TNFRSF12A: variants seen among roughly 807,000 people sequenced by gnomAD.
TNFRSF12A encodes the protein tumor necrosis factor receptor superfamily member 12A.
Under a neutral mutation model 15.5 loss-of-function variants are expected in TNFRSF12A, and 13 were observed. The observed-to-expected ratio is 0.84, with a 90% CI of 0.54 to 1.33. TNFRSF12A has a LOEUF of 1.33. TNFRSF12A is among the 40% of genes most tolerant of loss of function. TNFRSF12A has a pLI of 0.00. For synonymous variants in TNFRSF12A, 89 were observed against 78.4 expected (o/e 1.14, Z -0.71); for missense variants, 174 against 173.6 (o/e 1.00, Z -0.01).
rs2072615887 is a variant in TNFRSF12A at position 3,021,895 on chromosome 16, G to A, written c.*69G>A. ...TTCATCCATTCTAGAGCCAGTCTCT[G>A]CCTCCCAGACGCGGCGGGAGCCAAG... On this transcript the variant is annotated 3_prime_UTR_variant, in exon 4 of 4. Transcript: ENST00000326577. The A allele has an allele frequency of 6.4e-7, 1 of 1,559,482 alleles. No individual in the cohort carries two copies. The highest frequency in any genetic ancestry group is 8.7e-7 in the Non-Finnish European group (1 of 1,150,194).
At chr16:3,021,046 G>A (rs2151126920) in intron 1 of TNFRSF12A, 169 bp from the exon 2 acceptor site, 1 of 460,870 alleles carries the variant, frequency 2.2e-6, no homozygotes, top group South Asian at 4.0e-5. Context: ...CCCGCGCTAC[G>A]CCCTCCCTCC....
chr16:3,022,246 T>G lies in TNFRSF12A; in HGVS notation c.*420T>G. On this transcript the variant is annotated 3_prime_UTR_variant, in exon 4 of 4. Coordinates refer to ENST00000326577, the MANE Select transcript of TNFRSF12A (RefSeq NM_016639.3). ...GGGGTTAGGGACCTATTTTTAACAC[T>G]AGGGGGCTGGCCCACTAGGAGGGCT... The G allele has an allele frequency of 5.1e-5, 16 of 310,706 alleles. No homozygotes were observed. The highest frequency in any genetic ancestry group is 2.1e-4 in the East Asian group (4 of 19,380). 19.2% of individuals were successfully genotyped at this position (310,706 alleles called of 1,614,324 possible).
At chr16:3,021,031 AGCGTCCCGC>A (rs2072605749) in intron 1 of TNFRSF12A, 175 bp from the exon 2 acceptor site, 3 of 467,106 alleles carry the variant, frequency 6.4e-6, no homozygotes, top group Non-Finnish European at 1.1e-5. Flanking sequence ...CCCCACCCCC[AGCGTCCCGC>A]GCTACGCCCT....
chr16:3,021,064 G>C, intron 1 of TNFRSF12A, 151 bp from the exon 2 acceptor site: 1 of 498,872 alleles, frequency 2.0e-6, no homozygotes. Flanking sequence ...TCCCGGAGCT[G>C]CCGTGTCCCG....
rs372932532 is a variant in TNFRSF12A at position 3,021,625 on chromosome 16, C to T, written c.270C>T (p.Phe90=). 16 of 1,613,550 alleles carry T rather than the reference C, an allele frequency of 9.9e-6. No homozygotes were observed. The African/African-American group carries it at 1.9e-4, about 19-fold the overall frequency. The part of the protein sequence containing the change: ...PILGGALSLT[F]VLGLLSGFLV... ...TTGGGGGCGCTCTGAGCCTGACCTT[C>T]GTGCTGGGGCTGCTTTCTGGCTTTT... Residue 90 remains phenylalanine, a synonymous_variant, in exon 3 of 4, where the codon TTC becomes TTT. Coordinates refer to ENST00000326577, the MANE Select transcript of TNFRSF12A (RefSeq NM_016639.3).
At position 3,021,854 on chromosome 16, in the gene TNFRSF12A, GC is replaced by G; in HGVS notation, c.*31del. On this transcript the variant is annotated 3_prime_UTR_variant, in exon 4 of 4. Transcript: ENST00000326577. ...ATGTGCCCCCTGCCAGCCGGGGCTC[GC>G]CCACTCATCATTCATTCATCCATTC... 6.2e-7 allele frequency: 1 copy of G among 1,606,836 alleles called. No individual in the cohort carries two copies. Among genetic ancestry groups the G allele is most frequent in the Admixed American group, 1.7e-5 (1 of 59,548 alleles).
rs528463118 is a variant in TNFRSF12A, at chr16:3,021,330, G to A, written c.199+11G>A. On this transcript the variant is annotated intron_variant, in intron 2 of 3. Transcript: ENST00000326577. ...ACTTCTGCCTGGGCTGTGAGTGGGG[G>A]GCAGGGCCAGTGGCCAGCGGACCCC... 684 of 1,559,966 alleles carry A rather than the reference G, an allele frequency of 4.4e-4. 7 individuals are homozygous for A. The South Asian group carries it at 7.6e-3, about 17-fold the overall frequency.
rs569870196 is a variant in TNFRSF12A, at chr16:3,021,938, G to C, written c.*112G>C. On this transcript the variant is annotated 3_prime_UTR_variant, in exon 4 of 4. Coordinates refer to ENST00000326577, the MANE Select transcript of TNFRSF12A (RefSeq NM_016639.3). ...GAGCCAAGCTCCTCCAACCACAAGG[G>C]GGGTGGGGGGCGGTGAATCACCTCT... 5.1e-4 allele frequency: 628 copies of C among 1,228,260 alleles called. 6 individuals carry two copies. The highest frequency in any genetic ancestry group is 1.3e-3 in the African/African-American group (88 of 66,652). 76.1% of individuals were successfully genotyped at this position (1,228,260 alleles called of 1,614,324 possible). A position where few individuals can be genotyped will look rare whatever the true frequency, so the allele number is the denominator to read the frequency against.
At chr16:3,021,445 G>T in intron 2 of TNFRSF12A, 110 bp from the exon 3 acceptor site, 2 of 1,429,908 alleles carry the variant, frequency 1.4e-6, no homozygotes, top group Non-Finnish European at 1.8e-6. Context: ...AGCTGGGAGG[G>T]GGCTCCGGTC....
intron 1 of TNFRSF12A, chr16:3,020,696 C>G (rs1042999102): frequency 2.3e-5 from 8 of 350,334 alleles, no homozygotes; most frequent in Non-Finnish European, 3.8e-5. Flanking sequence ...CTCCCACCGT[C>G]CAATTGGGGT....
Position 3,022,263 on chromosome 16 carries a change from A to G in TNFRSF12A, c.*437A>G, listed in dbSNP as rs1302362109. 2 of 315,586 alleles carry G rather than the reference A, an allele frequency of 6.3e-6. No individual in the cohort carries two copies. The highest frequency in any genetic ancestry group is 1.2e-5 in the Non-Finnish European group (2 of 173,102). 19.5% of individuals were successfully genotyped at this position (315,586 alleles called of 1,614,324 possible). A position where few individuals can be genotyped will look rare whatever the true frequency, so the allele number is the denominator to read the frequency against. On this transcript the variant is annotated 3_prime_UTR_variant, in exon 4 of 4. Coordinates refer to ENST00000326577, the MANE Select transcript of TNFRSF12A (RefSeq NM_016639.3). The stretch of plus-strand genomic sequence containing the variant: ...TTTAACACTAGGGGGCTGGCCCACT[A>G]GGAGGGCTGGCCCTAAGATACAGAC...
In TNFRSF12A at chr16:3,021,865, A is replaced by G; in HGVS notation, c.*39A>G. ...GCCAGCCGGGGCTCGCCCACTCATC[A>G]TTCATTCATCCATTCTAGAGCCAGT... On this transcript the variant is annotated 3_prime_UTR_variant, in exon 4 of 4. Coordinates refer to ENST00000326577, the MANE Select transcript of TNFRSF12A (RefSeq NM_016639.3). The G allele has an allele frequency of 6.2e-7, 1 of 1,603,496 alleles. No individual in the cohort carries two copies. The highest frequency in any genetic ancestry group is 8.5e-7 in the Non-Finnish European group (1 of 1,176,172).
intron 1 of TNFRSF12A, 40 bp downstream of exon 1, chr16:3,020,531 C>A: frequency 8.0e-7 from 1 of 1,255,624 alleles, no homozygotes; most frequent in Non-Finnish European, 1.0e-6. Flanking sequence ...CGGGCCGGGG[C>A]TCGGGAGCCG....
chr16:3,022,249 GGGGCTGGCCCACTAGGA>G lies in TNFRSF12A; in HGVS notation c.*434_*450del, dbSNP rs1275436417. The G allele has an allele frequency of 2.7e-5, 9 of 338,276 alleles. No homozygotes were observed. Among genetic ancestry groups the G allele is most frequent in the African/African-American group, 8.4e-5 (4 of 47,410 alleles). The allele number at this position is 338,276 out of a possible 1,614,324, so 21.0% of individuals were successfully genotyped here. A position where few individuals can be genotyped will look rare whatever the true frequency, so the allele number is the denominator to read the frequency against. ...GTTAGGGACCTATTTTTAACACTAGGGGGCTGGCCCACTAGGAGGGCTGGCCCTAAGATACAGACCCC... is the reference window on the plus strand; with the variant it reads ...GTTAGGGACCTATTTTTAACACTAGGGGGCTGGCCCTAAGATACAGACCCC... On this transcript the variant is annotated 3_prime_UTR_variant, in exon 4 of 4. Coordinates refer to ENST00000326577, the MANE Select transcript of TNFRSF12A (RefSeq NM_016639.3).
At position 3,022,034 on chromosome 16, in the gene TNFRSF12A, A is replaced by C. The variant is rs982728031; in HGVS notation, c.*208A>C. The C allele has an allele frequency of 1.8e-6, 1 of 568,672 alleles. No homozygotes were observed. The highest frequency in any genetic ancestry group is 1.9e-5 in the African/African-American group (1 of 52,448). The allele number at this position is 568,672 out of a possible 1,614,324, so 35.2% of individuals were successfully genotyped here. ...TGCCCTGCCTCTGGCTCCAGAACAG[A>C]AAGGGAGCCTCACGCTGGCTCACAC... On this transcript the variant is annotated 3_prime_UTR_variant, in exon 4 of 4. Coordinates refer to ENST00000326577, the MANE Select transcript of TNFRSF12A (RefSeq NM_016639.3).
At position 3,022,107 on chromosome 16, in the gene TNFRSF12A, G is replaced by A. The variant is rs539590413; in HGVS notation, c.*281G>A. 2.7e-4 allele frequency: 125 copies of A among 460,862 alleles called. No homozygotes were observed. Among genetic ancestry groups the A allele is most frequent in the South Asian group, 4.5e-4 (10 of 22,334 alleles). The allele number at this position is 460,862 out of a possible 1,614,324, so 28.5% of individuals were successfully genotyped here. A position where few individuals can be genotyped will look rare whatever the true frequency, so the allele number is the denominator to read the frequency against. ...GAACTGCAGCATTTGCACAGGGGAGGGGGGTGCCCTCCTTCCTAGAGGCCC... is the reference window on the plus strand; with the variant it reads ...GAACTGCAGCATTTGCACAGGGGAGAGGGGTGCCCTCCTTCCTAGAGGCCC... On this transcript the variant is annotated 3_prime_UTR_variant, in exon 4 of 4. Coordinates refer to ENST00000326577, the MANE Select transcript of TNFRSF12A (RefSeq NM_016639.3).
In TNFRSF12A at chr16:3,021,918, A is replaced by C. The variant is rs762284403; in HGVS notation, c.*92A>C. ...CTGCCTCCCAGACGCGGCGGGAGCC[A>C]AGCTCCTCCAACCACAAGGGGGGTG... is the stretch of plus-strand genomic sequence containing the variant. On this transcript the variant is annotated 3_prime_UTR_variant, in exon 4 of 4. Coordinates refer to ENST00000326577, the MANE Select transcript of TNFRSF12A (RefSeq NM_016639.3). 1.6e-5 allele frequency: 23 copies of C among 1,443,042 alleles called. No individual in the cohort carries two copies. The highest frequency in any genetic ancestry group is 2.0e-5 in the Non-Finnish European group (21 of 1,060,260). The allele number at this position is 1,443,042 out of a possible 1,614,324, so 89.4% of individuals were successfully genotyped here. A position where few individuals can be genotyped will look rare whatever the true frequency, so the allele number is the denominator to read the frequency against.
intron 1 of TNFRSF12A, 171 bp from the exon 2 acceptor site, chr16:3,021,044 A>T: frequency 2.2e-6 from 1 of 461,322 alleles, no homozygotes; most frequent in Non-Finnish European, 3.8e-6. Flanking sequence ...GTCCCGCGCT[A>T]CGCCCTCCCT....
chr16:3,022,047 C>G lies in TNFRSF12A; in HGVS notation c.*221C>G, dbSNP rs966232716. ...GCTCCAGAACAGAAAGGGAGCCTCA[C>G]GCTGGCTCACACAAAACAGCTGACA... On this transcript the variant is annotated 3_prime_UTR_variant, in exon 4 of 4. Transcript: ENST00000326577. 3 of 557,274 alleles carry G rather than the reference C, an allele frequency of 5.4e-6. 1 individual carries two copies. The highest frequency in any genetic ancestry group is 4.7e-5 in the South Asian group (2 of 42,376). The allele number at this position is 557,274 out of a possible 1,614,324, so 34.5% of individuals were successfully genotyped here.
Sources: allele counts gnomAD v4.1 joint callset, GRCh38; gene constraint gnomAD v4.1.1; transcripts MANE v1.5; gene names NCBI Gene and HGNC (gene_info 2026-07-23, HGNC 2026-07-21).